Variants in DOCK3 observed in about 807,000 individuals in gnomAD.
The protein encoded by DOCK3 is dedicator of cytokinesis 3.
In DOCK3, 60 loss-of-function variants were observed where a neutral mutation model predicts 265.6. That is an observed-to-expected ratio of 0.23 (90% confidence interval 0.18 to 0.28). DOCK3 has a LOEUF of 0.28. Ranked by LOEUF, DOCK3 falls within the 10% of genes least tolerant of loss-of-function variation. The pLI is 1.00. For synonymous variants in DOCK3, 881 were observed against 938.0 expected (o/e 0.94, Z 1.11); for missense variants, 1,981 against 2,594.3 (o/e 0.76, Z 5.14).
chr3:50,730,308 ATTT>A (rs1270207003), intron 1 of DOCK3, among the ~76,000 whole-genome samples: 1 of 150,418 alleles, frequency 6.6e-6, no homozygotes, highest in Non-Finnish European at 1.5e-5. Context: ...TGCCCAGTTA[ATTT>A]TCTGTATTTT....
chr3:50,878,409 A>C (rs2047830565), intron 3 of DOCK3, among the ~76,000 whole-genome samples: 1 of 152,214 alleles, frequency 6.6e-6, no homozygotes, highest in Non-Finnish European at 1.5e-5. Flanking sequence ...GGCTAACTAG[A>C]ATAAACAGTG....
At position 51,228,036 on chromosome 3, in the gene DOCK3, G is replaced by A. The variant is rs746916720; in HGVS notation, c.1595G>A (p.Arg532His). ...LFGFAFSTLM[R>H]DDGTTLSDDI... ...GGCTTTGCATTCTCAACCCTGATGC[G>A]TGATGATGGCACCACCCTCTCAGAT... The change falls in exon 17 of 53, where the codon CGT becomes CAT. Residue 532 changes from arginine to histidine, a missense_variant. This residue lies in a region of DOCK3 where 1,357 missense variants were observed against 1,866.8 expected (regional missense o/e 0.73). Transcript: ENST00000266037. 3.1e-6 allele frequency: 5 copies of A among 1,614,024 alleles called. No individual in the cohort carries two copies. The highest frequency in any genetic ancestry group is 3.3e-5 in the Admixed American group (2 of 60,026).
At chr3:50,721,480 T>A (rs1337792826) in intron 1 of DOCK3, among the ~76,000 whole-genome samples, 1 of 152,228 alleles carries the variant, frequency 6.6e-6, no homozygotes, top group Admixed American at 6.5e-5. Context: ...GTCAGCTTTG[T>A]CAAATTTCAG....
At chr3:51,338,320 C>T (rs768197150) in intron 35 of DOCK3, 39 bp from the exon 36 acceptor site, 1 of 1,550,522 alleles carries the variant, frequency 6.4e-7, no homozygotes, top group South Asian at 1.2e-5. Flanking sequence ...CTCAAGGCCC[C>T]ACTTCATATC....
intron 33 of DOCK3, among the ~76,000 whole-genome samples, chr3:51,330,522 C>T (rs970893678): frequency 6.6e-6 from 1 of 152,162 alleles, no homozygotes; most frequent in South Asian, 2.1e-4. Flanking sequence ...GGGGGGCAGA[C>T]GGTTCATGGA....
chr3:51,097,924 A>G (rs1576065599), intron 9 of DOCK3, among the ~76,000 whole-genome samples: 2 of 151,670 alleles, frequency 1.3e-5, no homozygotes, highest in African/African-American at 4.8e-5. Flanking sequence ...GCTTCAGCTC[A>G]CCCTCCATGG....
chr3:50,979,042 G>C (rs71329039), intron 5 of DOCK3, among the ~76,000 whole-genome samples: 14,467 of 152,114 alleles, frequency 0.095, 859 homozygotes, highest in Non-Finnish European at 0.12. Context: ...TGCGCCCACT[G>C]TCTGGCACTC....
At chr3:50,775,625 G>C (rs1307414182) in intron 1 of DOCK3, among the ~76,000 whole-genome samples, 1 of 151,958 alleles carries the variant, frequency 6.6e-6, no homozygotes, top group Admixed American at 6.6e-5. Context: ...TTTGAGAGTA[G>C]AGGTAGGTTT....
intron 5 of DOCK3, among the ~76,000 whole-genome samples, chr3:51,057,716 T>C (rs2109194938): frequency 6.6e-6 from 1 of 152,258 alleles, no homozygotes; most frequent in East Asian, 1.9e-4. Flanking sequence ...CGGAGCAATG[T>C]TGGTGGAGCC....
Position 51,267,695 on chromosome 3 carries a change from C to G in DOCK3, c.2356-3120C>G, listed in dbSNP as rs577419243. Among the ~76,000 whole-genome samples, 43 of 152,044 alleles carry G rather than the reference C, an allele frequency of 2.8e-4. 1 individual carries two copies. The highest frequency in any genetic ancestry group is 2.6e-3 in the Admixed American group (39 of 15,238). ...GCCACCGCGCCCAGCCACACACATA[C>G]GTTTATTGCAGCACTGTTGACAATA... On this transcript the variant is annotated intron_variant, in intron 23 of 52. Coordinates refer to ENST00000266037, the MANE Select transcript of DOCK3 (RefSeq NM_004947.5).
chr3:50,940,056 G>GACACACACATACACACACAAAC (rs57150138), intron 5 of DOCK3, among the ~76,000 whole-genome samples: 14,240 of 40,672 alleles, frequency 0.35, 829 homozygotes, highest in Non-Finnish European at 0.44. Flanking sequence ...CATACCCACA[G>GACACACACATACACACACAAAC]ACACACACAT....
At chr3:50,882,516 A>G (rs1424988655) in intron 3 of DOCK3, among the ~76,000 whole-genome samples, 1 of 152,224 alleles carries the variant, frequency 6.6e-6, no homozygotes, top group African/African-American at 2.4e-5. Context: ...ACGTGAAAAA[A>G]TGCTCATCAT....
intron 5 of DOCK3, among the ~76,000 whole-genome samples, chr3:50,948,504 A>G (rs2108295271): frequency 6.6e-6 from 1 of 150,654 alleles, no homozygotes; most frequent in South Asian, 2.1e-4. Flanking sequence ...CCTGGACTCA[A>G]GAGATCCTCC....
intron 5 of DOCK3, among the ~76,000 whole-genome samples, chr3:51,050,609 A>G (rs1349224810): frequency 6.6e-6 from 1 of 152,196 alleles, no homozygotes; most frequent in Admixed American, 6.5e-5. Context: ...GGCCGGTGGT[A>G]TAATTCAGTC....
At chr3:50,858,482 T>G (rs963318366) in intron 3 of DOCK3, among the ~76,000 whole-genome samples, 2 of 151,510 alleles carry the variant, frequency 1.3e-5, no homozygotes, top group Non-Finnish European at 2.9e-5. Context: ...AGGCTCCCAG[T>G]CTCTTCTGGC....
intron 3 of DOCK3, among the ~76,000 whole-genome samples, chr3:50,849,571 A>T (rs2107361202): frequency 6.6e-6 from 1 of 152,100 alleles, no homozygotes; most frequent in Non-Finnish European, 1.5e-5. Flanking sequence ...CTCCCACCTC[A>T]ACGTCCTGAG....
intron 12 of DOCK3, among the ~76,000 whole-genome samples, chr3:51,198,430 A>G (rs2088460169): frequency 2.6e-5 from 4 of 152,152 alleles, no homozygotes; most frequent in Admixed American, 2.6e-4. Flanking sequence ...GGATGTCCCA[A>G]CATCTTCCTA....
chr3:50,843,966 C>T (rs2045963800), intron 3 of DOCK3, among the ~76,000 whole-genome samples: 1 of 152,084 alleles, frequency 6.6e-6, no homozygotes, highest in African/African-American at 2.4e-5. Context: ...TCTATATATC[C>T]TTTATTTGTG....
chr3:51,074,355 G>A (rs758471457), intron 6 of DOCK3, among the ~76,000 whole-genome samples: 10 of 152,112 alleles, frequency 6.6e-5, no homozygotes, highest in Non-Finnish European at 7.4e-5. Flanking sequence ...AAGAGCTAAC[G>A]TTTATTGACC....
Sources: allele counts gnomAD v4.1 joint callset (sites outside exome capture counted in the v4.1 genomes callset), GRCh38; gene constraint gnomAD v4.1.1; regional missense constraint gnomAD v4.1.1; transcripts MANE v1.5; gene names NCBI Gene and HGNC (gene_info 2026-07-23, HGNC 2026-07-21).